The following EEIG1 variants were observed in gnomAD, a reference collection of about 807,000 sequenced individuals.
The protein encoded by EEIG1 is estrogen-induced osteoclastogenesis regulator 1, also known as early estrogen-induced gene 1 protein.
the EEIG1 span, chr9:127,948,092 G>A: frequency 1.8e-5 from 29 of 1,612,176 alleles, no homozygotes; most frequent in African/African-American, 4.0e-5. Flanking sequence ...ATAGTGGGCC[G>A]AGCCTTGGGG....
At chr9:127,953,610 C>A in the EEIG1 span, 1 of 1,613,936 alleles carries the variant, frequency 6.2e-7, no homozygotes, top group African/African-American at 1.3e-5. Flanking sequence ...AGCTCCTGCA[C>A]AGGGAGGGAG....
the EEIG1 span, among the ~76,000 whole-genome samples, chr9:127,971,360 T>C: frequency 2.0e-5 from 3 of 152,182 alleles, no homozygotes; most frequent in Admixed American, 6.5e-5. Context: ...CCTCCTCCTT[T>C]CCATTCTGCT....
the EEIG1 span, among the ~76,000 whole-genome samples, chr9:127,960,655 T>C: frequency 1.3e-5 from 2 of 152,138 alleles, no homozygotes; most frequent in African/African-American, 2.4e-5. Flanking sequence ...CCCAGTGGAA[T>C]TGGGATTAGT....
At chr9:127,954,024 C>A in the EEIG1 span, 1 of 1,421,004 alleles carries the variant, frequency 7.0e-7, no homozygotes, top group Non-Finnish European at 9.7e-7. Flanking sequence ...GGGACTGAGG[C>A]GGTGGGAAGC....
At chr9:127,980,133 G>C in the EEIG1 span, 1 of 1,611,872 alleles carries the variant, frequency 6.2e-7, no homozygotes, top group Non-Finnish European at 8.5e-7. Flanking sequence ...CATCAAGAAA[G>C]CCATGAGCGA....
the EEIG1 span, chr9:127,941,766 A>C: frequency 6.6e-6 from 1 of 152,174 alleles, no homozygotes; most frequent in Non-Finnish European, 1.5e-5. Context: ...GCGCTGCTGG[A>C]ACCAGCCGGC....
chr9:127,975,753 G>T, the EEIG1 span, among the ~76,000 whole-genome samples: 1 of 152,054 alleles, frequency 6.6e-6, no homozygotes, highest in South Asian at 2.1e-4. Context: ...CGTGCATGAG[G>T]CAGACACAGG....
At chr9:127,961,493 C>T in the EEIG1 span, among the ~76,000 whole-genome samples, 1 of 152,176 alleles carries the variant, frequency 6.6e-6, no homozygotes, top group African/African-American at 2.4e-5. Flanking sequence ...TTTTATGAAG[C>T]CCCCACCAGG....
At chr9:127,944,965 C>T in the EEIG1 span, 19 of 1,555,694 alleles carry the variant, frequency 1.2e-5, no homozygotes, top group African/African-American at 4.1e-5. Flanking sequence ...CACAGAACGA[C>T]GACAATAATG....
chr9:127,972,315 C>G, the EEIG1 span, among the ~76,000 whole-genome samples: 1 of 152,186 alleles, frequency 6.6e-6, no homozygotes, highest in Non-Finnish European at 1.5e-5. The surrounding 1 kb of genome is among the most constrained non-coding windows in gnomAD (Gnocchi z 4.3). Context: ...CCCACCCTGC[C>G]CCGAGTGCAA....
the EEIG1 span, chr9:127,979,876 A>G: frequency 1.5e-6 from 2 of 1,301,700 alleles, no homozygotes; most frequent in Non-Finnish European, 2.1e-6. Context: ...CCCCAGGCAC[A>G]CAGAATCCCC....
chr9:127,964,707 C>T, the EEIG1 span, among the ~76,000 whole-genome samples: 1 of 152,230 alleles, frequency 6.6e-6, no homozygotes, highest in African/African-American at 2.4e-5. Flanking sequence ...ACACATCTCA[C>T]CTCCACTGGG....
the EEIG1 span, among the ~76,000 whole-genome samples, chr9:127,977,316 A>G: frequency 2.0e-5 from 3 of 152,230 alleles, no homozygotes; most frequent in Non-Finnish European, 4.4e-5. Context: ...AAGGGAAAAC[A>G]GAGGTGAAAT....
At chr9:127,973,302 G>A in the EEIG1 span, among the ~76,000 whole-genome samples, 15 of 152,272 alleles carry the variant, frequency 9.9e-5, no homozygotes, top group African/African-American at 3.6e-4. This position sits in a 1 kb window ranked among gnomAD's most constrained non-coding sequence, Gnocchi z 4.2. Context: ...ATGCAAGTCA[G>A]GACTCCCAGG....
chr9:127,953,530 C>A, the EEIG1 span: 1 of 1,592,408 alleles, frequency 6.3e-7, no homozygotes, highest in Non-Finnish European at 8.6e-7. Flanking sequence ...TGTCCCATGC[C>A]ACCCCCCATT....
the EEIG1 span, among the ~76,000 whole-genome samples, chr9:127,965,395 C>T: frequency 6.6e-6 from 1 of 152,144 alleles, no homozygotes; most frequent in African/African-American, 2.4e-5. Flanking sequence ...TTTAAACGAG[C>T]TCCCAGGTGA....
At chr9:127,945,351 A>G in the EEIG1 span, 2 of 1,566,036 alleles carry the variant, frequency 1.3e-6, no homozygotes, top group South Asian at 2.3e-5. The surrounding 1 kb of genome is among the most constrained non-coding windows in gnomAD (Gnocchi z 6.5). Context: ...AGGGGGCACC[A>G]AGCAGTAGGC....
the EEIG1 span, among the ~76,000 whole-genome samples, chr9:127,962,976 G>C: frequency 6.6e-6 from 1 of 152,212 alleles, no homozygotes; most frequent in African/African-American, 2.4e-5. Flanking sequence ...TAAAATGATA[G>C]AAGCAAGGTC....
At chr9:127,945,543 C>G in the EEIG1 span, 1 of 1,564,262 alleles carries the variant, frequency 6.4e-7, no homozygotes, top group African/African-American at 1.4e-5. The surrounding 1 kb of genome is among the most constrained non-coding windows in gnomAD (Gnocchi z 6.5). Flanking sequence ...TGGAGGAGCG[C>G]GAGTGCTCTG....
Sources: allele counts gnomAD v4.1 joint callset (sites outside exome capture counted in the v4.1 genomes callset), GRCh38; gene constraint gnomAD v4.1.1; non-coding constraint Gnocchi (gnomAD v3.1); transcripts MANE v1.5; gene names NCBI Gene and HGNC (gene_info 2026-07-23, HGNC 2026-07-21).